The following SMARCA4 variants were observed in gnomAD, a reference collection of about 807,000 sequenced individuals.
SMARCA4 encodes the protein SWI/SNF related BAF chromatin remodeling complex subunit ATPase 4.
A neutral mutation model predicts 193.9 loss-of-function variants in SMARCA4; 31 were observed. That is an observed-to-expected ratio of 0.16 (90% CI 0.12 to 0.22). The LOEUF is 0.22. Among genes scored for constraint, SMARCA4 ranks in the 10% least tolerant of loss-of-function variants. The pLI is 1.00. For synonymous variants in SMARCA4, 942 were observed against 933.1 expected, an observed-to-expected ratio of 1.01 and a Z score of -0.17; for missense variants, 1,148 against 2,296.0, an observed-to-expected ratio of 0.50 and a Z score of 10.22.
At chr19:11,039,397 G>T in intron 29 of SMARCA4, 1 of 943,588 alleles carries the variant, frequency 1.1e-6, no homozygotes. Flanking sequence ...ACAAGGGGAG[G>T]CTAAATTAGG....
Position 10,994,998 on chromosome 19 carries a change from C to T in SMARCA4, c.1590C>T (p.Leu530=), listed in dbSNP as rs1555762200. The stretch of plus-strand genomic sequence containing the variant: ...TCGAGAAGGAGCGCATGCGGAGGCT[C>T]ATGGTATGGTCCTGCCTTCTTGACG... ...ERIEKERMRR[L]MAEDEEGYRK... The change falls in exon 9 of 35, where the codon CTC becomes CTT. Residue 530 remains leucine, a synonymous_variant. Coordinates refer to ENST00000344626, the MANE Select transcript of SMARCA4 (RefSeq NM_003072.5). 1.2e-6 allele frequency: 2 copies of T among 1,610,852 alleles called. No homozygotes were observed. Among genetic ancestry groups the T allele is most frequent in the Non-Finnish European group, 1.7e-6 (2 of 1,178,360 alleles).
chr19:11,018,153 C>T (rs1485518964), intron 16 of SMARCA4, among the ~76,000 whole-genome samples: 2 of 152,192 alleles, frequency 1.3e-5, no homozygotes, highest in African/African-American at 2.4e-5. Flanking sequence ...ACGAGTAGTC[C>T]CTGGGACTCC....
At chr19:11,027,751 T>C in intron 23 of SMARCA4, 33 bp from the exon 24 acceptor site, 3 of 1,613,300 alleles carry the variant, frequency 1.9e-6, no homozygotes, top group Non-Finnish European at 2.5e-6. Context: ...TTTAACATCC[T>C]GCGCCTTCTC....
rs2076703185 is a variant in SMARCA4 at position 11,058,981 on chromosome 19, A to G, written c.4635+92A>G. Reference sequence around the variant, plus strand: ...TCCTTCCCTTCTGAATTGATGGGTTAAAAACAAGTCCCGCTAGCTGTGGTG... The same window carrying G: ...TCCTTCCCTTCTGAATTGATGGGTTGAAAACAAGTCCCGCTAGCTGTGGTG... On this transcript the variant is annotated intron_variant, in intron 32 of 34. Coordinates refer to ENST00000344626, the MANE Select transcript of SMARCA4 (RefSeq NM_003072.5). This position sits in a 1 kb window ranked among gnomAD's most constrained non-coding sequence, Gnocchi z 5.8. The G allele has an allele frequency of 9.9e-7, 1 of 1,007,200 alleles. No individual in the cohort carries two copies. The highest frequency in any genetic ancestry group is 1.3e-5 in the South Asian group (1 of 76,142). The allele number at this position is 1,007,200 out of a possible 1,614,324, so 62.4% of individuals were successfully genotyped here. A position where few individuals can be genotyped will look rare whatever the true frequency, so the allele number is the denominator to read the frequency against.
chr19:11,029,144 T>A (rs1254844286), intron 24 of SMARCA4, among the ~76,000 whole-genome samples: 1 of 152,212 alleles, frequency 6.6e-6, no homozygotes, highest in Non-Finnish European at 1.5e-5. Context: ...CTTCCCACTT[T>A]CAGCTTTGAG....
Position 11,041,102 on chromosome 19 carries a change from C to T in SMARCA4, c.4171-205C>T. 1 of 578,030 alleles carries T rather than the reference C, an allele frequency of 1.7e-6. No individual in the cohort carries two copies. Among genetic ancestry groups the T allele is most frequent in the Non-Finnish European group, 3.0e-6 (1 of 329,256 alleles). The allele number at this position is 578,030 out of a possible 1,614,324, so 35.8% of individuals were successfully genotyped here. On this transcript the variant is annotated intron_variant, in intron 29 of 34. Coordinates refer to ENST00000344626, the MANE Select transcript of SMARCA4 (RefSeq NM_003072.5). This position sits in a 1 kb window ranked among gnomAD's most constrained non-coding sequence, Gnocchi z 5.6. ...AAGACAAGCTTGGGTGGGGTGCCTG[C>T]TGGGGGCAGTGCTGGTCTTTCACTG...
intron 8 of SMARCA4, among the ~76,000 whole-genome samples, chr19:10,991,724 G>A (rs2086576785): frequency 6.6e-6 from 1 of 152,194 alleles, no homozygotes; most frequent in African/African-American, 2.4e-5. Context: ...AAGGGCCCTG[G>A]GGCTGGAATG....
chr19:11,061,890 G>C lies in SMARCA4; in HGVS notation c.*74G>C. On this transcript the variant is annotated 3_prime_UTR_variant, in exon 35 of 35. Transcript: ENST00000344626. ...ATGGCATAGGCCTTAGCAGTAACGG[G>C]TAGCAGCAGATGTAGTTTCAGACTT... 7.5e-7 allele frequency: 1 copy of C among 1,332,866 alleles called. No homozygotes were observed. The highest frequency in any genetic ancestry group is 1.1e-6 in the Non-Finnish European group (1 of 923,452). The allele number at this position is 1,332,866 out of a possible 1,614,324, so 82.6% of individuals were successfully genotyped here.
chr19:11,052,081 C>T (rs1056941990), intron 30 of SMARCA4, among the ~76,000 whole-genome samples: 5 of 151,766 alleles, frequency 3.3e-5, no homozygotes, highest in African/African-American at 1.2e-4. Flanking sequence ...GGCAACAGAG[C>T]GAGACTCCGT....
chr19:11,045,176 C>T (rs577508236), intron 30 of SMARCA4, among the ~76,000 whole-genome samples: 46 of 152,194 alleles, frequency 3.0e-4, no homozygotes, highest in African/African-American at 1.0e-3. Context: ...AAAAATTAGC[C>T]GGGTGTGGTG....
chr19:11,017,332 C>G lies in SMARCA4; in HGVS notation c.2439-1625C>G, dbSNP rs535881485. 1.4e-3 allele frequency among the ~76,000 whole-genome samples: 216 copies of G among 152,352 alleles called. 1 individual carries two copies. The highest frequency in any genetic ancestry group is 0.01 in the Middle Eastern group (3 of 294). ...CAGACCTCCAGATTGCAGTCAGATT[C>G]CATTTCCAGGGTGATAGAGGTCACC... On this transcript the variant is annotated intron_variant, in intron 16 of 34. Transcript: ENST00000344626.
At chr19:11,046,948 CAAAA>C (rs35450843) in intron 30 of SMARCA4, among the ~76,000 whole-genome samples, 47 of 91,828 alleles carry the variant, frequency 5.1e-4, no homozygotes, top group South Asian at 3.7e-4. Flanking sequence ...GACCCTGTTG[CAAAA>C]AAAAAAAAAA....
chr19:11,055,393 T>G (rs780243980), intron 30 of SMARCA4, among the ~76,000 whole-genome samples: 2 of 152,188 alleles, frequency 1.3e-5, no homozygotes, highest in Non-Finnish European at 2.9e-5. Flanking sequence ...TATCACTATC[T>G]TGGCCAGGCT....
intron 1 of SMARCA4, among the ~76,000 whole-genome samples, chr19:10,968,522 T>A (rs2084417721): frequency 6.6e-6 from 1 of 152,106 alleles, no homozygotes; most frequent in African/African-American, 2.4e-5. Flanking sequence ...TTCCACTTTT[T>A]ATTTTTTTAG....
rs1159580266 is a variant in SMARCA4 at position 11,019,836 on chromosome 19, G to A, written c.2616+135G>A. 2 of 715,948 alleles carry A rather than the reference G, an allele frequency of 2.8e-6. No homozygotes were observed. The highest frequency in any genetic ancestry group is 2.0e-5 in the Admixed American group (1 of 49,466). 44.3% of individuals were successfully genotyped at this position (715,948 alleles called of 1,614,324 possible). A position where few individuals can be genotyped will look rare whatever the true frequency, so the allele number is the denominator to read the frequency against. On this transcript the variant is annotated intron_variant, in intron 18 of 34. Coordinates refer to ENST00000344626, the MANE Select transcript of SMARCA4 (RefSeq NM_003072.5). The surrounding 1 kb of genome is among the most constrained non-coding windows in gnomAD (Gnocchi z 6.1). Reference sequence around the variant, plus strand: ...GCATGTGCGTGAAGACAGCTGCCCTGTGTAGGGGAAAGGCCTAGGTGGGGG... The same window carrying A: ...GCATGTGCGTGAAGACAGCTGCCCTATGTAGGGGAAAGGCCTAGGTGGGGG...
rs562582926 is a variant in SMARCA4, at chr19:11,030,430, G to A, written c.3383-300G>A. On this transcript the variant is annotated intron_variant, in intron 24 of 34. Transcript: ENST00000344626. This position sits in a 1 kb window ranked among gnomAD's most constrained non-coding sequence, Gnocchi z 5.5. ...GGTGGTGGCTGTGCTGACGCTGGAC[G>A]CTGTGGCCTAGCTGTGGGCTGGGTG... 8.5e-5 allele frequency among the ~76,000 whole-genome samples: 13 copies of A among 152,378 alleles called. No homozygotes were observed. The highest frequency in any genetic ancestry group is 3.1e-4 in the African/African-American group (13 of 41,592).
intron 14 of SMARCA4, among the ~76,000 whole-genome samples, chr19:11,008,580 C>T (rs562575341): frequency 1.3e-3 from 202 of 152,256 alleles, no homozygotes; most frequent in African/African-American, 4.4e-3. Context: ...TGGTGACAAG[C>T]GTTTAGGTTA....
intron 30 of SMARCA4, among the ~76,000 whole-genome samples, chr19:11,044,506 A>T (rs1309155473): frequency 7.9e-5 from 12 of 152,198 alleles, no homozygotes; most frequent in Non-Finnish European, 1.8e-4. Flanking sequence ...AGGACATCCC[A>T]GGACTAATCA....
chr19:10,971,774 C>CT (rs35918034), intron 1 of SMARCA4, among the ~76,000 whole-genome samples: 51,588 of 128,384 alleles, frequency 0.4, 10,501 homozygotes, highest in East Asian at 0.6. Flanking sequence ...ACCCTGAATA[C>CT]TTTTTTTTTT....
Sources: allele counts gnomAD v4.1 joint callset (sites outside exome capture counted in the v4.1 genomes callset), GRCh38; gene constraint gnomAD v4.1.1; non-coding constraint Gnocchi (gnomAD v3.1); transcripts MANE v1.5; gene names NCBI Gene and HGNC (gene_info 2026-07-23, HGNC 2026-07-21).